Variants in RFX8 observed in about 807,000 individuals in gnomAD.
RFX8 encodes DNA-binding protein RFX8.
A neutral mutation model predicts 54.6 loss-of-function variants in RFX8; 46 were observed. The ratio of observed to expected loss-of-function variants is 0.84; its 90% confidence interval spans 0.67 to 1.08. The LOEUF (loss-of-function observed/expected upper bound fraction) is 1.08, where lower values mean the gene tolerates loss of function less well. Among genes scored for constraint, RFX8 ranks in the 50% least tolerant of loss-of-function variants. The pLI, the probability that RFX8 is intolerant of heterozygous loss-of-function variation, is 0.00. For synonymous variants in RFX8, 192 were observed against 209.5 expected (o/e 0.92, Z 0.72); for missense variants, 536 against 562.3 (o/e 0.95, Z 0.47).
chr2:101,455,685 T>C, intron 2 of RFX8, among the ~76,000 whole-genome samples: 1 of 152,196 alleles, frequency 6.6e-6, no homozygotes, highest in East Asian at 1.9e-4. Flanking sequence ...CCTAGGATTA[T>C]CTTGGCTATG....
At chr2:101,460,513 T>C (rs539782078) in intron 2 of RFX8, among the ~76,000 whole-genome samples, 10 of 152,282 alleles carry the variant, frequency 6.6e-5, no homozygotes, top group South Asian at 2.1e-4. Context: ...TTATGACCAA[T>C]AGAAGTCTGG....
chr2:101,458,717 G>A (rs1689116742), intron 2 of RFX8, among the ~76,000 whole-genome samples: 1 of 152,146 alleles, frequency 6.6e-6, no homozygotes. Flanking sequence ...AAGTATCTTT[G>A]TGGTATTCTC....
intron 2 of RFX8, among the ~76,000 whole-genome samples, chr2:101,444,365 A>G (rs1688259005): frequency 6.6e-6 from 1 of 152,246 alleles, no homozygotes. Flanking sequence ...GCCAGAACCT[A>G]CACACTAAAC....
intron 3 of RFX8, 79 bp downstream of exon 3, chr2:101,422,283 C>G: frequency 1.3e-6 from 1 of 750,748 alleles, no homozygotes; most frequent in African/African-American, 1.7e-5. Flanking sequence ...ATCATGACCA[C>G]AGGCACAAAA....
At chr2:101,445,747 CT>C (rs1029558585) in intron 2 of RFX8, among the ~76,000 whole-genome samples, 4 of 151,844 alleles carry the variant, frequency 2.6e-5, no homozygotes, top group South Asian at 2.1e-4. Context: ...CTTTTTTATT[CT>C]TTTTTCCTAA....
At position 101,417,672 on chromosome 2, in the gene RFX8, C is replaced by T; in HGVS notation, c.364G>A (p.Val122Ile). Residue 122 changes from valine (V) to isoleucine (I), a missense_variant, in exon 6 of 12, where the codon GTT (valine) becomes ATT (isoleucine). Transcript: ENST00000428343. ...DVQLYKGIEDVLLHDFLEDVS... is the reference protein window; with the variant it reads ...DVQLYKGIEDILLHDFLEDVS... ...TCTTCCAAGAAGTCATGAAGGAGAA[C>T]ATCCTCAATTCCCTACAACAAAAGT... 1.9e-6 allele frequency: 3 copies of T among 1,548,664 alleles called. No homozygotes were observed. The highest frequency in any genetic ancestry group is 2.6e-6 in the Non-Finnish European group (3 of 1,145,834).
intron 1 of RFX8, among the ~76,000 whole-genome samples, chr2:101,467,694 G>A (rs966658733): frequency 6.6e-6 from 1 of 152,196 alleles, no homozygotes; most frequent in South Asian, 2.1e-4. Context: ...TTACCAATGA[G>A]AGGCTCTGGC....
At chr2:101,446,330 C>A (rs2148965381) in intron 2 of RFX8, among the ~76,000 whole-genome samples, 1 of 152,246 alleles carries the variant, frequency 6.6e-6, no homozygotes, top group East Asian at 1.9e-4. Context: ...CACGTGCCAC[C>A]ACACCTGGCT....
At chr2:101,398,028 T>C (rs1573330623) in intron 11 of RFX8, among the ~76,000 whole-genome samples, 1 of 152,152 alleles carries the variant, frequency 6.6e-6, no homozygotes, top group Non-Finnish European at 1.5e-5. Flanking sequence ...CCAGCTAATT[T>C]TGTATTTTTA....
At chr2:101,414,939 T>C in intron 6 of RFX8, 27 bp from the exon 7 acceptor site, 2 of 1,514,862 alleles carry the variant, frequency 1.3e-6, no homozygotes. Context: ...ACGTGGCCAT[T>C]AATACAATAA....
At chr2:101,424,087 G>C (rs1039417556) in intron 2 of RFX8, among the ~76,000 whole-genome samples, 4 of 152,162 alleles carry the variant, frequency 2.6e-5, no homozygotes, top group Non-Finnish European at 5.9e-5. Context: ...AATGATGTAG[G>C]GGTATAGATG....
rs968497435 is a variant in RFX8, at chr2:101,422,486, G to A, written c.73-14C>T. Reference sequence around the variant, plus strand: ...ATGATCTTCACACTAAAAATCATTTGTGCAATGGATTATGTCTTTAAAATA... The same window carrying A: ...ATGATCTTCACACTAAAAATCATTTATGCAATGGATTATGTCTTTAAAATA... On this transcript the variant is annotated splice_polypyrimidine_tract_variant and intron_variant, in intron 2 of 11. Transcript: ENST00000428343. 1.4e-6 allele frequency: 2 copies of A among 1,396,732 alleles called. No individual in the cohort carries two copies. The highest frequency in any genetic ancestry group is 2.0e-6 in the Non-Finnish European group (2 of 1,005,508). The allele number at this position is 1,396,732 out of a possible 1,614,324, so 86.5% of individuals were successfully genotyped here.
intron 2 of RFX8, among the ~76,000 whole-genome samples, chr2:101,437,107 A>G (rs966628525): frequency 1.3e-5 from 2 of 152,160 alleles, no homozygotes; most frequent in African/African-American, 4.8e-5. Flanking sequence ...TTTAATTGAA[A>G]TTCTTATGAA....
chr2:101,415,897 T>C (rs1686471609), intron 6 of RFX8, among the ~76,000 whole-genome samples: 1 of 152,250 alleles, frequency 6.6e-6, no homozygotes. Flanking sequence ...ATCTGGGCTT[T>C]GACGCATAGG....
At chr2:101,422,840 CCTT>C (rs1686941929) in intron 2 of RFX8, among the ~76,000 whole-genome samples, 1 of 152,190 alleles carries the variant, frequency 6.6e-6, no homozygotes, top group Admixed American at 6.5e-5. Context: ...AATTGTTCCT[CCTT>C]GAAATAAAAT....
At chr2:101,406,165 A>G in intron 9 of RFX8, 108 bp from the exon 10 acceptor site, 1 of 602,412 alleles carries the variant, frequency 1.7e-6, no homozygotes, top group Non-Finnish European at 2.9e-6. Context: ...TTAAAGAGCC[A>G]AAGAAGAGGA....
intron 9 of RFX8, among the ~76,000 whole-genome samples, chr2:101,410,151 CCA>C (rs1417828093): frequency 6.6e-6 from 1 of 151,946 alleles, no homozygotes; most frequent in Admixed American, 6.6e-5. Flanking sequence ...ACGCAGTCAC[CCA>C]CACCCACTTA....
chr2:101,441,616 T>C (rs369606188), intron 2 of RFX8, among the ~76,000 whole-genome samples: 41 of 152,212 alleles, frequency 2.7e-4, no homozygotes, highest in African/African-American at 9.2e-4. Context: ...TCAGGTATCC[T>C]GTTATAAGCA....
At chr2:101,444,035 T>C (rs1032160539) in intron 2 of RFX8, among the ~76,000 whole-genome samples, 1 of 152,138 alleles carries the variant, frequency 6.6e-6, no homozygotes, top group Non-Finnish European at 1.5e-5. Context: ...TGCACAGTAG[T>C]GAAGCCGTGG....
Sources: gnomAD v4.1 joint callset for allele counts (sites outside exome capture counted in the v4.1 genomes callset) on GRCh38, gnomAD v4.1.1 for gene constraint, MANE v1.5 for transcripts, NCBI Gene and HGNC (gene_info 2026-07-23, HGNC 2026-07-21) for gene names.